Variants in TEKTIP1 observed in about 807,000 individuals in gnomAD.
TEKTIP1 encodes tektin bundle-interacting protein 1.
At chr19:3,541,831 C>CA in the TEKTIP1 span, 1 of 977,244 alleles carries the variant, frequency 1.0e-6, no homozygotes, top group Non-Finnish European at 1.2e-6. Flanking sequence ...TGTGTTGAGA[C>CA]AGAGTCTCGC....
At chr19:3,543,862 T>G in the TEKTIP1 span, 1 of 1,548,542 alleles carries the variant, frequency 6.5e-7, no homozygotes, top group East Asian at 2.4e-5. Flanking sequence ...GTGGAGCCAC[T>G]GTGGAGGGCA....
the TEKTIP1 span, chr19:3,543,294 G>T: frequency 6.5e-7 from 1 of 1,548,662 alleles, no homozygotes. Context: ...CAGGCCACAC[G>T]CTGGAAGTAC....
chr19:3,543,490 C>A, the TEKTIP1 span: 6 of 1,519,308 alleles, frequency 3.9e-6, no homozygotes, highest in East Asian at 4.9e-5. Context: ...GCCCCCCCCC[C>A]CGCCCTGGGC....
chr19:3,541,814 TTTTG>T, the TEKTIP1 span: 462 of 984,440 alleles, frequency 4.7e-4, 1 homozygote, highest in African/African-American at 7.2e-3. Flanking sequence ...TTCTGTGCTG[TTTTG>T]TTTGTGTTGA....
chr19:3,543,690 G>C, the TEKTIP1 span: 19 of 1,523,110 alleles, frequency 1.2e-5, no homozygotes, highest in Admixed American at 3.5e-4. Context: ...GGTGAGGCTA[G>C]GTGCAGGGTG....
At chr19:3,541,632 T>G in the TEKTIP1 span, 1 of 984,610 alleles carries the variant, frequency 1.0e-6, no homozygotes, top group African/African-American at 1.7e-5. Context: ...AAGACCCTAT[T>G]TCTATTTTTT....
the TEKTIP1 span, chr19:3,542,566 T>C: frequency 1.2e-6 from 1 of 815,718 alleles, no homozygotes. Context: ...CTCCACTTCC[T>C]GGGTTCAAGC....
the TEKTIP1 span, chr19:3,539,370 C>A: frequency 1.5e-6 from 1 of 660,804 alleles, no homozygotes; most frequent in Non-Finnish European, 2.6e-6. Flanking sequence ...ACTCGTTATT[C>A]CTAAAAGGCT....
At chr19:3,541,679 T>G in the TEKTIP1 span, 1 of 985,250 alleles carries the variant, frequency 1.0e-6, no homozygotes, top group South Asian at 4.7e-5. Flanking sequence ...CTCCCGCAAG[T>G]GTGTAATAAC....
chr19:3,543,928 A>G, the TEKTIP1 span: 10 of 1,551,084 alleles, frequency 6.4e-6, no homozygotes, highest in South Asian at 1.2e-4. Context: ...ACCACCCAGA[A>G]CTACCGGGAG....
chr19:3,543,036 G>A, the TEKTIP1 span: 6 of 1,606,284 alleles, frequency 3.7e-6, no homozygotes, highest in East Asian at 2.2e-5. Context: ...TGTGGGGAGA[G>A]GGGGAGTCAG....
At chr19:3,540,498 T>C in the TEKTIP1 span, among the ~76,000 whole-genome samples, 469 of 151,158 alleles carry the variant, frequency 3.1e-3, no homozygotes, top group Non-Finnish European at 4.5e-3. Flanking sequence ...CCTCATGATC[T>C]GCCCTCCTTG....
chr19:3,539,410 C>CTGT, the TEKTIP1 span: 7 of 601,878 alleles, frequency 1.2e-5, no homozygotes, highest in Admixed American at 1.9e-4. Context: ...CCAGCTCTTC[C>CTGT]TGTTCCCCTC....
At chr19:3,541,795 T>G in the TEKTIP1 span, 1 of 984,856 alleles carries the variant, frequency 1.0e-6, no homozygotes, top group Non-Finnish European at 1.2e-6. Context: ...CATTTCTCAT[T>G]GAATATTATT....
the TEKTIP1 span, chr19:3,541,948 C>T: frequency 7.4e-6 from 3 of 404,226 alleles, no homozygotes; most frequent in African/African-American, 4.4e-5. Context: ...TAGCTGGGAC[C>T]ACAGGTGTCC....
chr19:3,539,421 C>T, the TEKTIP1 span: 218 of 591,302 alleles, frequency 3.7e-4, 3 homozygotes, highest in South Asian at 3.9e-3. Context: ...TGTTCCCCTC[C>T]GGCCAGTGGC....
At chr19:3,542,699 T>C in the TEKTIP1 span, 2 of 1,260,110 alleles carry the variant, frequency 1.6e-6, no homozygotes, top group Non-Finnish European at 2.1e-6. Context: ...GCCAGGCTGG[T>C]CTCGAACTCC....
chr19:3,543,289 C>CACACGCTGGAAGT, the TEKTIP1 span: 2 of 1,548,406 alleles, frequency 1.3e-6, no homozygotes, highest in Admixed American at 2.0e-5. Context: ...TCAGGCAGGC[C>CACACGCTGGAAGT]ACACGCTGGA....
chr19:3,543,031 GGA>G, the TEKTIP1 span: 8 of 1,606,456 alleles, frequency 5.0e-6, no homozygotes, highest in Admixed American at 6.7e-5. Context: ...CGATGTGTGG[GGA>G]GAGGGGGAGT....
Sources: gnomAD v4.1 joint callset for allele counts (sites outside exome capture counted in the v4.1 genomes callset) on GRCh38, gnomAD v4.1.1 for gene constraint, MANE v1.5 for transcripts, NCBI Gene and HGNC (gene_info 2026-07-23, HGNC 2026-07-21) for gene names.